TAF1: variants seen among roughly 807,000 people sequenced by gnomAD.
TAF1 encodes TATA-box binding protein associated factor 1.
In TAF1, 2 loss-of-function variants were observed where a neutral mutation model predicts 138.5. The observed-to-expected ratio is 0.01, with a 90% CI of 0.01 to 0.05. The LOEUF is 0.05. Among genes scored for constraint, TAF1 ranks in the 10% least tolerant of loss-of-function variants. The pLI, the probability that TAF1 is intolerant of heterozygous loss-of-function variation, is 1.00. For synonymous variants in TAF1, 437 were observed against 503.2 expected, an observed-to-expected ratio of 0.87 and a Z score of 1.76; for missense variants, 709 against 1,478.0, an observed-to-expected ratio of 0.48 and a Z score of 8.53.
intron 32 of TAF1, among the ~76,000 whole-genome samples, chrX:71,426,062 C>T (rs2036574763): frequency 9.3e-6 from 1 of 108,024 alleles, no homozygotes; most frequent in Non-Finnish European, 1.9e-5. Context: ...GAGTGCAAGA[C>T]CAGCCTGGGC....
intron 12 of TAF1, 48 bp downstream of exon 12, chrX:71,383,212 A>C: frequency 8.7e-7 from 1 of 1,149,456 alleles, no homozygotes; most frequent in Admixed American, 2.5e-5. Flanking sequence ...ATATTGGGGT[A>C]TAAATTAAGG....
intron 22 of TAF1, among the ~76,000 whole-genome samples, chrX:71,396,892 G>GT (rs750672248): frequency 9.2e-6 from 1 of 108,751 alleles, no homozygotes; most frequent in East Asian, 2.9e-4. Context: ...GGGTGTGGTG[G>GT]TACACGCCTG....
At chrX:71,459,040 G>T in intron 35 of TAF1, 1 of 452,499 alleles carries the variant, frequency 2.2e-6, no homozygotes, top group East Asian at 7.2e-5. Flanking sequence ...CACTAGCAGT[G>T]GGATTGGCTG....
intron 13 of TAF1, among the ~76,000 whole-genome samples, chrX:71,527,395 A>AAG (rs1352982541): frequency 1.8e-5 from 2 of 109,703 alleles, no homozygotes; most frequent in African/African-American, 6.6e-5. Flanking sequence ...TCAAAAAAAA[A>AAG]AAAAAAAAAG....
At chrX:71,381,654 G>C in intron 8 of TAF1, 89 bp from the exon 9 acceptor site, 1 of 1,024,660 alleles carries the variant, frequency 9.8e-7, no homozygotes, top group South Asian at 2.1e-5. Flanking sequence ...CTACTAACAT[G>C]AGTAACTCTT....
intron 32 of TAF1, among the ~76,000 whole-genome samples, chrX:71,440,363 T>G (rs144454523): frequency 1.5e-4 from 17 of 111,867 alleles, no homozygotes; most frequent in African/African-American, 5.5e-4. Context: ...AGATTTTCAC[T>G]ATTTTGCCAT....
chrX:71,408,705 G>A (rs1182114179), intron 28 of TAF1, among the ~76,000 whole-genome samples: 2 of 110,592 alleles, frequency 1.8e-5, no homozygotes, highest in Non-Finnish European at 1.9e-5. Context: ...GAAAGTAGTG[G>A]AAGACGTGGT....
At chrX:71,430,482 T>C (rs1294753816) in intron 32 of TAF1, among the ~76,000 whole-genome samples, 2 of 111,476 alleles carry the variant, frequency 1.8e-5, no homozygotes, top group Non-Finnish European at 3.8e-5. Flanking sequence ...TATCTGTATA[T>C]GCTCATATGA....
intron 32 of TAF1, among the ~76,000 whole-genome samples, chrX:71,436,836 G>T (rs2037170463): frequency 9.0e-6 from 1 of 111,294 alleles, no homozygotes; most frequent in African/African-American, 3.3e-5. Flanking sequence ...TAAACTCTAA[G>T]GTCATTTTTG....
rs780294513 is a variant in TAF1, at chrX:71,515,695, G to T, written c.1367-12847G>T. On this transcript the variant is annotated intron_variant and NMD_transcript_variant, in intron 13 of 14. Coordinates refer to the TAF1 transcript ENST00000373775. Reference sequence around the variant, plus strand: ...ACTTAGCACTCTCCCCACTTTTTCAGGGTTACTCATTGCTGTTTGTAGTAG... The same window carrying T: ...ACTTAGCACTCTCCCCACTTTTTCATGGTTACTCATTGCTGTTTGTAGTAG... Among the ~76,000 whole-genome samples, 3 of 111,332 alleles carry T rather than the reference G, an allele frequency of 2.7e-5. No individual in the cohort carries two copies. In the East Asian group the frequency reaches 8.4e-4, roughly 31 times the overall value.
At chrX:71,468,684 CA>C (rs765313817), downstream of TAF1, among the ~76,000 whole-genome samples, 1,310 of 61,203 alleles carry the variant, frequency 0.021, 29 homozygotes, top group African/African-American at 0.07. Context: ...GACTCCCTCT[CA>C]AAAAAAAAAA....
In TAF1 at chrX:71,417,795, G is replaced by A. The variant is rs1171020152; in HGVS notation, c.4385-3514G>A. On this transcript the variant is annotated intron_variant, in intron 28 of 37. Coordinates refer to ENST00000423759, the MANE Select transcript of TAF1 (RefSeq NM_004606.5). ...ATGTAACCCTATCATAAGTCAAGGA[G>A]CATCTGTATCTCATATGCAGCTCCT... Among the ~76,000 whole-genome samples the A allele has an allele frequency of 4.5e-5, 5 of 111,524 alleles. No homozygotes were observed. The East Asian group carries it at 1.4e-3, about 31-fold the overall frequency.
chrX:71,494,070 C>T (rs1181749574), intron 13 of TAF1, among the ~76,000 whole-genome samples: 2 of 111,656 alleles, frequency 1.8e-5, no homozygotes, highest in African/African-American at 3.3e-5. Flanking sequence ...GGGCCTCAGG[C>T]GGTACAGGAC....
At chrX:71,427,138 A>G (rs1431406989) in intron 32 of TAF1, among the ~76,000 whole-genome samples, 1 of 112,235 alleles carries the variant, frequency 8.9e-6, no homozygotes, top group East Asian at 2.8e-4. Flanking sequence ...CACAATGTTC[A>G]ATATCATGGA....
In TAF1 at chrX:71,465,005, G is replaced by A. The variant is rs1446206525; in HGVS notation, c.*959G>A. 1.0e-5 allele frequency: 1 copy of A among 97,026 alleles called. No homozygotes were observed. Among genetic ancestry groups the A allele is most frequent in the Non-Finnish European group, 2.1e-5 (1 of 48,739 alleles). 8.0% of individuals were successfully genotyped at this position (97,026 alleles called of 1,213,427 possible). Reference sequence around the variant, plus strand: ...TCCCCAGGGGAAATGGTAGGAAAATGGTAAGTTTCTTAGGGCAAAGACTGT... The same window carrying A: ...TCCCCAGGGGAAATGGTAGGAAAATAGTAAGTTTCTTAGGGCAAAGACTGT... On this transcript the variant is annotated 3_prime_UTR_variant, in exon 38 of 38. Transcript: ENST00000423759.
At chrX:71,472,744 AAATAAAAT>A (rs1164389192) in intron 13 of TAF1, among the ~76,000 whole-genome samples, 1 of 110,313 alleles carries the variant, frequency 9.1e-6, no homozygotes, top group Non-Finnish European at 1.9e-5. Flanking sequence ...AAAATAAATA[AAATAAAAT>A]AAAATAGTTA....
rs1313761028 is a variant in TAF1, at chrX:71,459,669, G to T, written c.5182G>T (p.Asp1728Tyr). ...GTCTGAAGGAGAAGATGATGAGGAAGATGCTGGGAGTGATGAAGAAGGAGA... is the reference window on the plus strand; with the variant it reads ...GTCTGAAGGAGAAGATGATGAGGAATATGCTGGGAGTGATGAAGAAGGAGA... Reference protein sequence around the residue: ...LMSEGEDDEEDAGSDEEGDNP... With the variant: ...LMSEGEDDEEYAGSDEEGDNP... Residue 1728 changes from aspartate to tyrosine, a missense_variant, in exon 36 of 38, where the codon GAT (aspartate) becomes TAT (tyrosine). Around this residue, in one of 14 missense-constraint regions of TAF1, gnomAD observed 123 missense variants for 174.7 expected, o/e 0.70. Transcript: ENST00000423759. 1 of 1,209,367 alleles carries T rather than the reference G, an allele frequency of 8.3e-7. No homozygotes were observed. Among genetic ancestry groups the T allele is most frequent in the Non-Finnish European group, 1.1e-6 (1 of 895,007 alleles).
downstream of TAF1, among the ~76,000 whole-genome samples, chrX:71,470,170 A>G (rs1203660200): frequency 1.8e-5 from 2 of 111,591 alleles, no homozygotes; most frequent in Non-Finnish European, 3.8e-5. Flanking sequence ...ACAGGTTTAT[A>G]TCACTTCTTT....
chrX:71,449,304 T>C (rs1399873496), intron 32 of TAF1, among the ~76,000 whole-genome samples: 1 of 111,626 alleles, frequency 9.0e-6, no homozygotes, highest in Non-Finnish European at 1.9e-5. Context: ...TTTGTATTTT[T>C]AGTAGAGACG....
Sources: allele counts gnomAD v4.1 joint callset (sites outside exome capture counted in the v4.1 genomes callset), GRCh38; gene constraint gnomAD v4.1.1; regional missense constraint gnomAD v4.1.1; transcripts MANE v1.5; gene names NCBI Gene and HGNC (gene_info 2026-07-23, HGNC 2026-07-21).